Variants in PLPP1 observed in about 807,000 individuals in gnomAD.
PLPP1 encodes the protein phospholipid phosphatase 1, also known as lipid phosphate phosphohydrolase 1a.
In PLPP1, 24 loss-of-function variants were observed where a neutral mutation model predicts 31.2. The observed-to-expected ratio is 0.77, with a 90% confidence interval of 0.56 to 1.08. The LOEUF (loss-of-function observed/expected upper bound fraction) is 1.08, where lower values mean the gene tolerates loss of function less well. Among genes scored for constraint, PLPP1 ranks in the 50% least tolerant of loss-of-function variants. PLPP1 has a pLI of 0.00. For missense variants in PLPP1, 319 were observed against 342.7 expected, an observed-to-expected ratio of 0.93 and a Z score of 0.55; for synonymous variants, 146 against 126.3, an observed-to-expected ratio of 1.16 and a Z score of -1.05.
At chr5:55,530,311 G>A in intron 1 of PLPP1, 1 of 1,482,128 alleles carries the variant, frequency 6.7e-7, no homozygotes, top group Non-Finnish European at 9.4e-7. Flanking sequence ...CCCCAAGGAA[G>A]AGATACACAA....
chr5:55,438,382 G>C (rs536318939), intron 4 of PLPP1, among the ~76,000 whole-genome samples: 1 of 152,328 alleles, frequency 6.6e-6, no homozygotes, highest in Admixed American at 6.5e-5. Context: ...CTGGCTGCCA[G>C]AGAAGAACAA....
At chr5:55,447,061 C>T (rs1220885862) in intron 3 of PLPP1, among the ~76,000 whole-genome samples, 1 of 152,178 alleles carries the variant, frequency 6.6e-6, no homozygotes, top group Non-Finnish European at 1.5e-5. Context: ...AAATGTGTTT[C>T]AAGATGTGTA....
intron 1 of PLPP1, among the ~76,000 whole-genome samples, chr5:55,522,691 ATTTTGTTTTG>A (rs148739898): frequency 0.016 from 2,386 of 150,300 alleles, 45 homozygotes; most frequent in African/African-American, 0.045. Flanking sequence ...TAAAATAATC[ATTTTGTTTTG>A]TTTTGTTTTG....
intron 1 of PLPP1, among the ~76,000 whole-genome samples, chr5:55,486,848 G>C (rs1752785114): frequency 6.6e-6 from 1 of 152,062 alleles, no homozygotes; most frequent in Admixed American, 6.5e-5. Flanking sequence ...GGGAGGTGGA[G>C]GTTGCAGTGA....
At chr5:55,473,132 A>C (rs1034796344) in intron 2 of PLPP1, among the ~76,000 whole-genome samples, 13 of 152,352 alleles carry the variant, frequency 8.5e-5, no homozygotes, top group Non-Finnish European at 1.0e-4. Context: ...TCAGAAACAT[A>C]CATACTTTTT....
chr5:55,490,307 C>T (rs746240942), intron 1 of PLPP1, among the ~76,000 whole-genome samples: 6 of 151,912 alleles, frequency 3.9e-5, no homozygotes, highest in Non-Finnish European at 4.4e-5. Flanking sequence ...TGCGCCACCA[C>T]GCCCGGCTAA....
chr5:55,450,844 T>C (rs1038629086), intron 3 of PLPP1, among the ~76,000 whole-genome samples: 4 of 152,164 alleles, frequency 2.6e-5, no homozygotes, highest in Non-Finnish European at 5.9e-5. Context: ...CCATCCCCTT[T>C]GTAAAAACAC....
At chr5:55,515,578 C>T (rs775998759) in intron 1 of PLPP1, among the ~76,000 whole-genome samples, 1 of 152,214 alleles carries the variant, frequency 6.6e-6, no homozygotes, top group Non-Finnish European at 1.5e-5. Flanking sequence ...AATGGCTTTA[C>T]ATAAGGTTAT....
chr5:55,514,407 AAAC>A (rs1753509663), intron 1 of PLPP1, among the ~76,000 whole-genome samples: 1 of 152,096 alleles, frequency 6.6e-6, no homozygotes, highest in Admixed American at 6.6e-5. Flanking sequence ...AAAAAAAATT[AAAC>A]AACCAAATAA....
chr5:55,488,659 T>TA (rs770649652), intron 1 of PLPP1, among the ~76,000 whole-genome samples: 40 of 150,336 alleles, frequency 2.7e-4, no homozygotes, highest in South Asian at 1.5e-3. Flanking sequence ...AAAATAAAAA[T>TA]AAAAAACAAA....
At chr5:55,493,454 T>C in intron 1 of PLPP1, among the ~76,000 whole-genome samples, 1 of 152,122 alleles carries the variant, frequency 6.6e-6, no homozygotes, top group East Asian at 1.9e-4. Context: ...TATTAAAAGA[T>C]TATAGGACTC....
chr5:55,470,497 C>A (rs1026992544), intron 2 of PLPP1, among the ~76,000 whole-genome samples: 1 of 152,138 alleles, frequency 6.6e-6, no homozygotes, highest in Non-Finnish European at 1.5e-5. Flanking sequence ...GAATACTGGG[C>A]ACAGATTAAA....
intron 1 of PLPP1, among the ~76,000 whole-genome samples, chr5:55,524,480 A>G (rs1473715581): frequency 1.3e-5 from 2 of 152,136 alleles, no homozygotes; most frequent in Admixed American, 6.5e-5. Flanking sequence ...CAGAATTTAT[A>G]CAAATGAGGA....
chr5:55,497,291 G>A (rs150286437), intron 1 of PLPP1, among the ~76,000 whole-genome samples: 1 of 152,086 alleles, frequency 6.6e-6, no homozygotes, highest in Non-Finnish European at 1.5e-5. Context: ...TGTCACCTAG[G>A]GTGGAGTCCA....
chr5:55,486,156 C>T (rs1195862285), intron 1 of PLPP1, among the ~76,000 whole-genome samples: 1 of 152,040 alleles, frequency 6.6e-6, no homozygotes, highest in Non-Finnish European at 1.5e-5. Context: ...TTTCTTAAGA[C>T]TTAGTCTTAA....
At chr5:55,466,495 G>A (rs921466602) in intron 3 of PLPP1, among the ~76,000 whole-genome samples, 3 of 152,132 alleles carry the variant, frequency 2.0e-5, no homozygotes, top group Non-Finnish European at 2.9e-5. Flanking sequence ...CTGAGGTCAG[G>A]AGTTTGAGAC....
chr5:55,490,348 C>T (rs919515448), intron 1 of PLPP1, among the ~76,000 whole-genome samples: 1 of 151,850 alleles, frequency 6.6e-6, no homozygotes, highest in African/African-American at 2.4e-5. Flanking sequence ...CTAGGTTTCT[C>T]CATGTTGGTC....
chr5:55,425,153 A>AATC lies in PLPP1; in HGVS notation c.*50_*52dup. Reference sequence around the variant, plus strand: ...AAGATGCATCCTCTTGCCTTGTGGCAATCATTTTCCTTTAGAAAACAGGCC... The same window carrying AATC: ...AAGATGCATCCTCTTGCCTTGTGGCAATCATCATTTTCCTTTAGAAAACAGGCC... On this transcript the variant is annotated 3_prime_UTR_variant, in exon 6 of 6. Transcript: ENST00000307259. 1 of 1,576,754 alleles carries AATC rather than the reference A, an allele frequency of 6.3e-7. No homozygotes were observed. Among genetic ancestry groups the AATC allele is most frequent in the Non-Finnish European group, 8.6e-7 (1 of 1,163,912 alleles).
intron 3 of PLPP1, among the ~76,000 whole-genome samples, chr5:55,459,204 A>T (rs1239292914): frequency 6.8e-6 from 1 of 147,696 alleles, no homozygotes; most frequent in East Asian, 2.2e-4. Context: ...AAAGAAATAC[A>T]TTGATACCAA....
Sources: allele counts gnomAD v4.1 joint callset (sites outside exome capture counted in the v4.1 genomes callset), GRCh38; gene constraint gnomAD v4.1.1; transcripts MANE v1.5; gene names NCBI Gene and HGNC (gene_info 2026-07-23, HGNC 2026-07-21).